The following FANCA variants were observed in gnomAD, a reference collection of about 807,000 sequenced individuals.
The protein encoded by FANCA is FA complementation group A, also known as Fanconi anemia group A protein.
FANCA carries 236 observed loss-of-function variants against 194.3 expected under a neutral mutation model. The ratio of observed to expected loss-of-function variants is 1.21; its 90% CI spans 1.09 to 1.35. The LOEUF (loss-of-function observed/expected upper bound fraction) is 1.35, where lower values mean the gene tolerates loss of function less well. Among genes scored for constraint, FANCA ranks in the 40% most tolerant of loss-of-function variants. The pLI, the probability that FANCA is intolerant of heterozygous loss-of-function variation, is 0.00. For synonymous variants in FANCA, 1,014 were observed against 715.8 expected (o/e 1.42, Z -6.65); for missense variants, 2,628 against 1,813.9 (o/e 1.45, Z -8.15).
intron 13 of FANCA, 128 bp from the exon 14 acceptor site, chr16:89,791,664 A>G: frequency 7.5e-7 from 1 of 1,326,104 alleles, no homozygotes; most frequent in East Asian, 2.5e-5. Context: ...GTTTTAAAAG[A>G]CTACACAGCA....
At chr16:89,755,274 A>T (rs558864056) in intron 30 of FANCA, among the ~76,000 whole-genome samples, 2 of 151,870 alleles carry the variant, frequency 1.3e-5, no homozygotes, top group East Asian at 3.9e-4. Context: ...GCAGTGGCAC[A>T]ATCTGGGCTC....
chr16:89,775,211 C>T (rs1196980812), intron 21 of FANCA, among the ~76,000 whole-genome samples: 1 of 152,138 alleles, frequency 6.6e-6, no homozygotes, highest in African/African-American at 2.4e-5. Context: ...GAAAAACCAG[C>T]CTCATGATGG....
chr16:89,798,528 G>A, intron 10 of FANCA: 2 of 1,107,176 alleles, frequency 1.8e-6, no homozygotes, highest in Non-Finnish European at 2.2e-6. Flanking sequence ...GGTTTCTCAA[G>A]ACTTCACTTC....
At chr16:89,749,928 AG>A in intron 31 of FANCA, 26 bp from the exon 32 acceptor site, 1 of 1,613,302 alleles carries the variant, frequency 6.2e-7, no homozygotes, top group Non-Finnish European at 8.5e-7. Context: ...ATGCTGGCAC[AG>A]GAAGGCCTCG....
At chr16:89,782,952 C>G in intron 16 of FANCA, 34 bp from the exon 17 acceptor site, 1 of 1,613,322 alleles carries the variant, frequency 6.2e-7, no homozygotes, top group Non-Finnish European at 8.5e-7. Flanking sequence ...AACAAGAAAA[C>G]AAAGCAGTTT....
Position 89,783,004 on chromosome 16 carries a change from T to C in FANCA, c.1566+3A>G. ...GAGGAGTGGGCATGGAGGGACAGCTTGCCTTGAGGTCGGCCAGCCGTGTCT... is the reference window on the plus strand; with the variant it reads ...GAGGAGTGGGCATGGAGGGACAGCTCGCCTTGAGGTCGGCCAGCCGTGTCT... On this transcript the variant is annotated splice_donor_region_variant and intron_variant, in intron 16 of 42. Transcript: ENST00000389301. 2 of 1,613,848 alleles carry C rather than the reference T, an allele frequency of 1.2e-6. No individual in the cohort carries two copies. The highest frequency in any genetic ancestry group is 1.7e-6 in the Non-Finnish European group (2 of 1,179,758).
chr16:89,778,464 TAA>T (rs56664732), intron 20 of FANCA: 9,077 of 199,998 alleles, frequency 0.045, no homozygotes, highest in South Asian at 0.096. Context: ...AGACTCCATC[TAA>T]AAAAAAAAAA....
intron 20 of FANCA, among the ~76,000 whole-genome samples, chr16:89,776,643 C>G (rs1048098227): frequency 6.6e-6 from 1 of 151,678 alleles, no homozygotes; most frequent in African/African-American, 2.4e-5. Context: ...CTGGCTAACA[C>G]AGTGAAACCC....
rs745882980 is a variant in FANCA, at chr16:89,738,944, G to A, written c.4198C>T (p.Arg1400Cys). Residue 1400 changes from arginine (R) to cysteine (C), a missense_variant, in exon 42 of 43, where the codon CGT becomes TGT. Transcript: ENST00000389301. ...GNPVELITKA[R>C]LFLLQLIPRC... ...GGTATTAACTGCAGCAGAAAAAGAC[G>A]AGCTTTTGTTATCAGTTCCACGGGG... is the stretch of plus-strand genomic sequence containing the variant. 8 of 1,614,136 alleles carry A rather than the reference G, an allele frequency of 5.0e-6. No homozygotes were observed. The highest frequency in any genetic ancestry group is 1.7e-5 in the Admixed American group (1 of 60,012).
intron 42 of FANCA, 28 bp from the exon 43 acceptor site, chr16:89,738,736 C>T: frequency 6.2e-7 from 1 of 1,613,140 alleles, no homozygotes; most frequent in Non-Finnish European, 8.5e-7. Context: ...GTCCTCAGCC[C>T]ATGCCGCCCA....
intron 21 of FANCA, among the ~76,000 whole-genome samples, chr16:89,774,679 G>A: frequency 7.5e-6 from 1 of 133,966 alleles, no homozygotes; most frequent in Non-Finnish European, 1.6e-5. Flanking sequence ...ACAGCGAGCT[G>A]AGATTGCGCC....
At chr16:89,768,250 A>G (rs1223237302) in intron 26 of FANCA, among the ~76,000 whole-genome samples, 11 of 152,206 alleles carry the variant, frequency 7.2e-5, no homozygotes, top group Admixed American at 7.2e-4. Flanking sequence ...ACATACCTAC[A>G]GCAATACCCA....
At chr16:89,808,095 A>G (rs2040731780) in intron 6 of FANCA, among the ~76,000 whole-genome samples, 199 bp downstream of exon 6, 1 of 144,340 alleles carries the variant, frequency 6.9e-6, no homozygotes, top group South Asian at 2.2e-4. Flanking sequence ...AAACCAAAAC[A>G]CCATAAACGT....
intron 17 of FANCA, among the ~76,000 whole-genome samples, chr16:89,782,445 A>G (rs2039751602): frequency 6.6e-6 from 1 of 151,504 alleles, no homozygotes; most frequent in Non-Finnish European, 1.5e-5. Context: ...CAGGAGGCAG[A>G]GGTTGCAGTG....
At position 89,796,777 on chromosome 16, in the gene FANCA, C is replaced by T. The variant is rs1006508988; in HGVS notation, c.894-759G>A. Among the ~76,000 whole-genome samples, 40 of 152,172 alleles carry T rather than the reference C, an allele frequency of 2.6e-4. 1 individual carries two copies. Among genetic ancestry groups the T allele is most frequent in the Non-Finnish European group, 2.9e-5 (2 of 68,036 alleles). On this transcript the variant is annotated intron_variant, in intron 10 of 42. Transcript: ENST00000389301. ...GTGGCTCATGCCTGTAATCCCAGCA[C>T]TCTGGGAGGCTGAGGCGGGCAGATC...
chr16:89,755,239 C>G (rs2038729057), intron 30 of FANCA, among the ~76,000 whole-genome samples: 1 of 150,562 alleles, frequency 6.6e-6, no homozygotes, highest in Non-Finnish European at 1.5e-5. Flanking sequence ...GAGACAGTCT[C>G]TCACTCTGTC....
intron 26 of FANCA, among the ~76,000 whole-genome samples, chr16:89,768,977 G>C (rs565482213): frequency 2.6e-4 from 40 of 152,242 alleles, no homozygotes; most frequent in African/African-American, 7.5e-4. Context: ...GCGCCTAGGA[G>C]GGACTCTGTA....
chr16:89,770,489 G>C, intron 24 of FANCA, 75 bp downstream of exon 24: 2 of 1,372,632 alleles, frequency 1.5e-6, no homozygotes, highest in Non-Finnish European at 1.0e-6. Context: ...ATGAGTCCCT[G>C]GTCTGCAGAC....
intron 5 of FANCA, among the ~76,000 whole-genome samples, chr16:89,808,678 C>G (rs981043382): frequency 6.6e-6 from 1 of 152,196 alleles, no homozygotes; most frequent in African/African-American, 2.4e-5. Context: ...CACAGTATTA[C>G]ACACACTGAC....
Sources: gnomAD v4.1 joint callset for allele counts (sites outside exome capture counted in the v4.1 genomes callset) on GRCh38, gnomAD v4.1.1 for gene constraint, MANE v1.5 for transcripts, NCBI Gene and HGNC (gene_info 2026-07-23, HGNC 2026-07-21) for gene names.